TAS2R1: variants seen among roughly 807,000 people sequenced by gnomAD.
The protein encoded by TAS2R1 is taste receptor type 2 member 1.
For missense variants in TAS2R1, 370 were observed against 353.4 expected (o/e 1.05, Z -0.38); for synonymous variants, 141 against 134.2 (o/e 1.05, Z -0.35).
At chr5:9,844,976 C>G in the TAS2R1 span, among the ~76,000 whole-genome samples, 3 of 152,158 alleles carry the variant, frequency 2.0e-5, no homozygotes, top group Admixed American at 6.5e-5. Flanking sequence ...AAAAGGCCCT[C>G]TGTGACCTGG....
chr5:9,747,616 G>T, the TAS2R1 span, among the ~76,000 whole-genome samples: 3 of 152,044 alleles, frequency 2.0e-5, no homozygotes, highest in Admixed American at 2.0e-4. Flanking sequence ...CAAGGGATAC[G>T]CCTCCATGAC....
chr5:9,850,633 G>A, the TAS2R1 span, among the ~76,000 whole-genome samples: 25 of 152,300 alleles, frequency 1.6e-4, no homozygotes, highest in Non-Finnish European at 2.8e-4. Flanking sequence ...CTGTGCCCCC[G>A]AACCAGCTCT....
At chr5:9,889,024 C>T in the TAS2R1 span, among the ~76,000 whole-genome samples, 7 of 152,234 alleles carry the variant, frequency 4.6e-5, no homozygotes, top group Non-Finnish European at 8.8e-5. Context: ...TGAGTTTGCA[C>T]TCCCAGTAAT....
At chr5:9,902,580 A>T in the TAS2R1 span, 1 of 152,086 alleles carries the variant, frequency 6.6e-6, no homozygotes, top group Non-Finnish European at 1.5e-5. Context: ...TCCATCATAG[A>T]GGTGAGGTCA....
chr5:9,695,339 G>A (rs1000420540), intron 1 of TAS2R1, among the ~76,000 whole-genome samples: 1 of 151,836 alleles, frequency 6.6e-6, no homozygotes, highest in East Asian at 1.9e-4. Context: ...ATAATGAAAC[G>A]AACAAAAAAA....
the TAS2R1 span, among the ~76,000 whole-genome samples, chr5:9,885,269 G>A: frequency 1.3e-5 from 2 of 152,136 alleles, no homozygotes; most frequent in Non-Finnish European, 2.9e-5. Flanking sequence ...ATGAAGTTAT[G>A]ATTTCTTTAT....
the TAS2R1 span, among the ~76,000 whole-genome samples, chr5:9,776,443 G>T: frequency 6.6e-6 from 1 of 152,290 alleles, no homozygotes; most frequent in East Asian, 1.9e-4. Flanking sequence ...TTTTATGAAG[G>T]TGCTTTTTTG....
At chr5:9,846,374 G>A in the TAS2R1 span, among the ~76,000 whole-genome samples, 9 of 152,260 alleles carry the variant, frequency 5.9e-5, no homozygotes, top group East Asian at 1.2e-3. Flanking sequence ...CTCATAGTCT[G>A]GGACAATGTT....
the TAS2R1 span, among the ~76,000 whole-genome samples, chr5:9,770,500 T>C: frequency 2.6e-5 from 4 of 152,316 alleles, no homozygotes; most frequent in South Asian, 8.3e-4. Context: ...TAGATTACTT[T>C]GGTTAGTATG....
chr5:9,687,642 G>T (rs148962275), intron 1 of TAS2R1, among the ~76,000 whole-genome samples: 12 of 152,094 alleles, frequency 7.9e-5, no homozygotes, highest in Non-Finnish European at 1.6e-4. Flanking sequence ...TTCACTAACC[G>T]TACTCCCGTC....
the TAS2R1 span, among the ~76,000 whole-genome samples, chr5:9,847,803 ACTAAGAGTAGCTGGGGCCTGGGTGCAC>A: frequency 6.6e-6 from 1 of 152,234 alleles, no homozygotes; most frequent in Non-Finnish European, 1.5e-5. Flanking sequence ...CCATAGCCAC[ACTAAGAGTAGCTGGGGCCTGGGTGCAC>A]CAGTAGTGGA....
chr5:9,741,992 G>A, the TAS2R1 span, among the ~76,000 whole-genome samples: 1 of 151,974 alleles, frequency 6.6e-6, no homozygotes, highest in African/African-American at 2.4e-5. Context: ...GCCTCCTGGG[G>A]TCAAGAGATT....
At chr5:9,870,079 C>T in the TAS2R1 span, 2 of 152,210 alleles carry the variant, frequency 1.3e-5, no homozygotes, top group Non-Finnish European at 2.9e-5. Flanking sequence ...CTTTTTATAA[C>T]AGAGCTATCA....
At chr5:9,825,515 C>T in the TAS2R1 span, among the ~76,000 whole-genome samples, 32 of 152,298 alleles carry the variant, frequency 2.1e-4, no homozygotes, top group African/African-American at 7.2e-4. Context: ...GGTGTGGACA[C>T]AGTCAAACCA....
the TAS2R1 span, among the ~76,000 whole-genome samples, chr5:9,849,669 T>C: frequency 6.6e-6 from 1 of 152,170 alleles, no homozygotes; most frequent in African/African-American, 2.4e-5. Flanking sequence ...GTACAAAGGT[T>C]CACTTGATGT....
the TAS2R1 span, among the ~76,000 whole-genome samples, chr5:9,751,499 C>T: frequency 3.3e-5 from 5 of 152,130 alleles, no homozygotes; most frequent in Non-Finnish European, 5.9e-5. Flanking sequence ...TTTATTTTTC[C>T]TAATTTTTGA....
upstream of TAS2R1, among the ~76,000 whole-genome samples, chr5:9,634,717 G>A (rs1191993193): frequency 6.6e-6 from 1 of 151,940 alleles, no homozygotes; most frequent in African/African-American, 2.4e-5. Context: ...GTTGTAAAAG[G>A]GACTGAGTTC....
chr5:9,795,580 CT>C, the TAS2R1 span, among the ~76,000 whole-genome samples: 2 of 152,156 alleles, frequency 1.3e-5, no homozygotes, highest in Non-Finnish European at 2.9e-5. Context: ...GAAGATGAAG[CT>C]GCTATAGGGC....
chr5:9,677,376 C>A (rs1164348960), intron 1 of TAS2R1, among the ~76,000 whole-genome samples: 1 of 151,636 alleles, frequency 6.6e-6, no homozygotes, highest in African/African-American at 2.4e-5. Context: ...ACCTATGTAA[C>A]AACAAACCTG....
Sources: allele counts gnomAD v4.1 joint callset (sites outside exome capture counted in the v4.1 genomes callset), GRCh38; gene constraint gnomAD v4.1.1; transcripts MANE v1.5; gene names NCBI Gene and HGNC (gene_info 2026-07-23, HGNC 2026-07-21).